The following VTI1A variants were observed in gnomAD, a reference collection of about 807,000 sequenced individuals.
The protein encoded by VTI1A is vesicle transport through interaction with t-SNAREs homolog 1A.
In VTI1A, 22 loss-of-function variants were observed where a neutral mutation model predicts 34.9. That is an observed-to-expected ratio of 0.63 (90% CI 0.45 to 0.90). The LOEUF (loss-of-function observed/expected upper bound fraction) is 0.90. VTI1A is among the 40% of genes least tolerant of loss of function. The probability of loss-of-function intolerance (pLI) is 0.00; values close to 1 mark genes in which losing one functional copy is unlikely to be tolerated. For missense variants in VTI1A, 268 were observed against 275.6 expected (o/e 0.97, Z 0.20); for synonymous variants, 87 against 97.3 (o/e 0.89, Z 0.62).
At chr10:112,654,103 A>G (rs1847138185) in intron 5 of VTI1A, among the ~76,000 whole-genome samples, 1 of 152,208 alleles carries the variant, frequency 6.6e-6, no homozygotes, top group African/African-American at 2.4e-5. Context: ...GCAAACAATA[A>G]TAAACTTTTT....
At chr10:112,548,952 A>C in intron 5 of VTI1A, 1 of 695,802 alleles carries the variant, frequency 1.4e-6, no homozygotes, top group South Asian at 1.8e-5. Flanking sequence ...CCTCATAATT[A>C]TATCTTTCTT....
chr10:112,707,309 C>T lies in VTI1A; in HGVS notation c.560+38311C>T, dbSNP rs140350890. The stretch of plus-strand genomic sequence containing the variant: ...TCAGCCTCCCAAGTAGCTGGGACTA[C>T]AGGCATGTGCCACCACACCAGGCTA... On this transcript the variant is annotated intron_variant, in intron 7 of 7. Coordinates refer to ENST00000393077, the MANE Select transcript of VTI1A (RefSeq NM_145206.4). 5.3e-3 allele frequency among the ~76,000 whole-genome samples: 805 copies of T among 152,160 alleles called. 7 individuals carry two copies. Among genetic ancestry groups the T allele is most frequent in the African/African-American group, 0.019 (773 of 41,522 alleles).
At chr10:112,489,021 A>G (rs938039926) in intron 3 of VTI1A, among the ~76,000 whole-genome samples, 4 of 152,240 alleles carry the variant, frequency 2.6e-5, no homozygotes, top group Admixed American at 2.6e-4. Context: ...AGACTAGACC[A>G]GTAGTTCTTA....
At chr10:112,712,982 C>T (rs1308987831) in intron 7 of VTI1A, among the ~76,000 whole-genome samples, 2 of 152,310 alleles carry the variant, frequency 1.3e-5, no homozygotes, top group Middle Eastern at 3.4e-3. Context: ...ATTCCACTGA[C>T]ATCGTGTCTC....
intron 7 of VTI1A, among the ~76,000 whole-genome samples, chr10:112,713,055 T>C (rs1849483311): frequency 6.6e-6 from 1 of 152,116 alleles, no homozygotes; most frequent in Non-Finnish European, 1.5e-5. Flanking sequence ...GGGATCCCCT[T>C]TCTGTGTTTC....
intron 5 of VTI1A, among the ~76,000 whole-genome samples, chr10:112,624,528 A>G (rs1177570561): frequency 6.6e-6 from 1 of 152,142 alleles, no homozygotes; most frequent in African/African-American, 2.4e-5. Context: ...GTTTTTTAAT[A>G]TACATTTTCA....
At chr10:112,555,499 C>G (rs1387295116) in intron 5 of VTI1A, among the ~76,000 whole-genome samples, 1 of 151,988 alleles carries the variant, frequency 6.6e-6, no homozygotes, top group Non-Finnish European at 1.5e-5. Context: ...TTGGATTATT[C>G]TGGCTTCATA....
intron 5 of VTI1A, among the ~76,000 whole-genome samples, chr10:112,564,136 T>G (rs1851822818): frequency 6.6e-6 from 1 of 151,702 alleles, no homozygotes; most frequent in Non-Finnish European, 1.5e-5. Context: ...TTTTTTTAAT[T>G]GACAAATCTG....
chr10:112,469,075 C>G (rs1847996304), intron 3 of VTI1A, among the ~76,000 whole-genome samples: 1 of 152,156 alleles, frequency 6.6e-6, no homozygotes, highest in African/African-American at 2.4e-5. Context: ...TACACAAAAT[C>G]CCAGAGTCCT....
At chr10:112,450,698 T>G (rs993127363) in intron 1 of VTI1A, 1 of 152,252 alleles carries the variant, frequency 6.6e-6, no homozygotes, top group Admixed American at 6.5e-5. Context: ...GTGATATTTT[T>G]TAAACAATAA....
the VTI1A span, among the ~76,000 whole-genome samples, chr10:112,839,549 C>G: frequency 7.3e-6 from 1 of 137,474 alleles, no homozygotes; most frequent in Non-Finnish European, 1.6e-5. Context: ...TTGGGGGGAG[C>G]ATAGATGAAA....
chr10:112,602,761 G>A (rs1158792411), intron 5 of VTI1A, among the ~76,000 whole-genome samples: 6 of 152,206 alleles, frequency 3.9e-5, no homozygotes, highest in African/African-American at 1.2e-4. Context: ...CAGTAAAACA[G>A]CAGAGTTCAA....
intron 4 of VTI1A, chr10:112,533,656 T>G (rs1850524548): frequency 1.6e-6 from 1 of 618,240 alleles, no homozygotes; most frequent in African/African-American, 2.0e-5. Context: ...CAGGTAAATC[T>G]ATACATAGCA....
chr10:112,513,176 A>G (rs564581048), intron 3 of VTI1A, among the ~76,000 whole-genome samples: 10 of 152,168 alleles, frequency 6.6e-5, no homozygotes, highest in East Asian at 1.9e-4. Flanking sequence ...TGAACACAGG[A>G]TATCTTTTCA....
chr10:112,814,907 A>G (rs1437929709), intron 7 of VTI1A, among the ~76,000 whole-genome samples: 1 of 152,196 alleles, frequency 6.6e-6, no homozygotes, highest in Non-Finnish European at 1.5e-5. Flanking sequence ...AACAGGAAAC[A>G]CTGCAAAAAA....
chr10:112,788,134 A>G (rs771969435), intron 7 of VTI1A, among the ~76,000 whole-genome samples: 39 of 152,034 alleles, frequency 2.6e-4, no homozygotes, highest in Admixed American at 3.9e-4. Flanking sequence ...TGGCCTATGT[A>G]TGGTCTATGT....
chr10:112,833,939 C>T, the VTI1A span, among the ~76,000 whole-genome samples: 1 of 152,166 alleles, frequency 6.6e-6, no homozygotes. Context: ...AGCTCAGGAC[C>T]GTGAGCCAAT....
the VTI1A span, among the ~76,000 whole-genome samples, chr10:112,828,405 T>TTAG: frequency 1.5e-3 from 234 of 152,066 alleles, no homozygotes; most frequent in Non-Finnish European, 2.9e-3. Flanking sequence ...TTTAAAATTA[T>TTAG]TATTATTATT....
intron 7 of VTI1A, among the ~76,000 whole-genome samples, chr10:112,811,609 G>T (rs1853304993): frequency 6.6e-6 from 1 of 150,652 alleles, no homozygotes; most frequent in Non-Finnish European, 1.5e-5. Context: ...GCGTGAGCCC[G>T]GGAGGCGGAG....
Sources: gnomAD v4.1 joint callset for allele counts (sites outside exome capture counted in the v4.1 genomes callset) on GRCh38, gnomAD v4.1.1 for gene constraint, MANE v1.5 for transcripts, NCBI Gene and HGNC (gene_info 2026-07-23, HGNC 2026-07-21) for gene names.